The following RALYL variants were observed in gnomAD, a reference collection of about 807,000 sequenced individuals.
The protein encoded by RALYL is RALY RNA binding protein like, also known as RNA-binding Raly-like protein.
Under a neutral mutation model 35.1 loss-of-function variants are expected in RALYL, and 29 were observed. The observed-to-expected ratio is 0.83, with a 90% CI of 0.61 to 1.13. RALYL has a LOEUF of 1.13. Ranked by LOEUF, RALYL falls within the 50% of genes most tolerant of loss-of-function variation. The pLI, the probability that RALYL is intolerant of heterozygous loss-of-function variation, is 0.00. For missense variants in RALYL, 359 were observed against 360.4 expected (o/e 1.00, Z 0.03); for synonymous variants, 120 against 127.6 (o/e 0.94, Z 0.40).
chr8:84,470,642 G>A (rs1347460674), intron 1 of RALYL, among the ~76,000 whole-genome samples: 1 of 152,142 alleles, frequency 6.6e-6, no homozygotes, highest in Non-Finnish European at 1.5e-5. Context: ...AGATGTGAAT[G>A]CTGCTTATTT....
Position 84,628,534 on chromosome 8 carries a change from T to C in RALYL, c.256+98957T>C, listed in dbSNP as rs559015172. On this transcript the variant is annotated intron_variant, in intron 2 of 8. Transcript: ENST00000521268. ...CCTACAGAGTAGGTGATTATTAATA[T>C]TCACCAAAAGAGTAAATGAATATAT... Among the ~76,000 whole-genome samples, 11 of 152,284 alleles carry C rather than the reference T, an allele frequency of 7.2e-5. No homozygotes were observed. In the South Asian group the frequency reaches 2.3e-3, roughly 32 times the overall value.
chr8:84,837,954 A>G (rs1832372741), intron 4 of RALYL, among the ~76,000 whole-genome samples: 1 of 152,214 alleles, frequency 6.6e-6, no homozygotes, highest in Non-Finnish European at 1.5e-5. Context: ...ACAGTGCCCT[A>G]AACTTCTATT....
intron 1 of RALYL, among the ~76,000 whole-genome samples, chr8:84,354,702 G>A (rs1181753051): frequency 2.7e-5 from 4 of 150,304 alleles, no homozygotes; most frequent in East Asian, 3.9e-4. Context: ...TCAATACAAC[G>A]GAATCCTGGG....
chr8:84,863,648 C>T (rs1378777895), intron 6 of RALYL, among the ~76,000 whole-genome samples: 1 of 152,096 alleles, frequency 6.6e-6, no homozygotes, highest in Non-Finnish European at 1.5e-5. Context: ...CCTTTTATTT[C>T]AGCACTATAC....
chr8:84,421,862 G>A (rs1300706978), intron 1 of RALYL, among the ~76,000 whole-genome samples: 1,718 of 147,538 alleles, frequency 0.012, 31 homozygotes, highest in African/African-American at 0.04. Flanking sequence ...CTTGATTTGC[G>A]TATATTGAAC....
chr8:84,489,588 C>G (rs2055027729), intron 1 of RALYL, among the ~76,000 whole-genome samples: 1 of 151,924 alleles, frequency 6.6e-6, no homozygotes, highest in African/African-American at 2.4e-5. Flanking sequence ...AAAGGAATTA[C>G]TGTGTATTAT....
Position 84,185,124 on chromosome 8 carries a change from C to A in RALYL, c.-24+700C>A. On this transcript the variant is annotated intron_variant, in intron 1 of 8. Transcript: ENST00000521268. ...GTGTTGCGTTGGTTTTAAGTGCCTG[C>A]TGGTGTCGTCTTCCAGGGGATGGGG... The A allele has an allele frequency of 2.8e-6, 3 of 1,090,540 alleles. No homozygotes were observed. In the Admixed American group the frequency reaches 5.3e-5, roughly 19 times the overall value. The allele number at this position is 1,090,540 out of a possible 1,614,324, so 67.6% of individuals were successfully genotyped here.
At chr8:84,575,229 C>A (rs1465122246) in intron 2 of RALYL, among the ~76,000 whole-genome samples, 1 of 152,006 alleles carries the variant, frequency 6.6e-6, no homozygotes, top group Non-Finnish European at 1.5e-5. Context: ...AACATGTGTG[C>A]CAATTATTTG....
chr8:84,468,499 C>G (rs952810783), intron 1 of RALYL, among the ~76,000 whole-genome samples: 5 of 149,920 alleles, frequency 3.3e-5, no homozygotes, highest in African/African-American at 1.2e-4. Context: ...TGTAGGGTTT[C>G]TGCCGAGAGA....
chr8:84,775,539 A>G (rs747751857), intron 3 of RALYL, among the ~76,000 whole-genome samples: 2 of 152,166 alleles, frequency 1.3e-5, no homozygotes, highest in African/African-American at 2.4e-5. Context: ...CCAGACAACA[A>G]ATATAGTCCT....
intron 1 of RALYL, among the ~76,000 whole-genome samples, chr8:84,238,079 A>G (rs1341917568): frequency 6.6e-6 from 1 of 152,134 alleles, no homozygotes; most frequent in Non-Finnish European, 1.5e-5. Context: ...AATAACCGTA[A>G]TGTTAAGCTG....
chr8:84,323,966 CT>C (rs1845336630), intron 1 of RALYL, among the ~76,000 whole-genome samples: 1 of 151,942 alleles, frequency 6.6e-6, no homozygotes, highest in African/African-American at 2.4e-5. Flanking sequence ...TAAATGTTTT[CT>C]TTTTGAGTCT....
At chr8:84,638,262 A>T (rs1446582834) in intron 2 of RALYL, among the ~76,000 whole-genome samples, 2 of 151,854 alleles carry the variant, frequency 1.3e-5, no homozygotes, top group African/African-American at 2.4e-5. Flanking sequence ...TTTGAACTGA[A>T]TGATAATAGT....
chr8:84,464,449 T>C (rs557200097), intron 1 of RALYL, among the ~76,000 whole-genome samples: 6 of 151,554 alleles, frequency 4.0e-5, no homozygotes, highest in Admixed American at 2.0e-4. Context: ...ATTTCATCCA[T>C]GTCCCTACAA....
At chr8:84,712,021 A>T (rs533852880) in intron 2 of RALYL, among the ~76,000 whole-genome samples, 1 of 152,252 alleles carries the variant, frequency 6.6e-6, no homozygotes, top group East Asian at 1.9e-4. Flanking sequence ...ACCAGAAAAA[A>T]CAAACTATTT....
chr8:84,704,475 ACACAC>A lies in RALYL; in HGVS notation c.257-70103_257-70099del, dbSNP rs1359137988. 8.5e-4 allele frequency among the ~76,000 whole-genome samples: 114 copies of A among 133,600 alleles called. 2 individuals are homozygous for A. The highest frequency in any genetic ancestry group is 4.0e-3 in the Admixed American group (56 of 14,134). 87.6% of individuals were successfully genotyped at this position (133,600 alleles called of 152,430 possible). The stretch of plus-strand genomic sequence containing the variant: ...CACACACACACACACACACACACAC[ACACAC>A]ACAACAACTCATTTATTCCACAAAT... On this transcript the variant is annotated intron_variant, in intron 2 of 8. Transcript: ENST00000521268.
chr8:84,907,058 G>T (rs556965837), intron 8 of RALYL: 1 of 722,958 alleles, frequency 1.4e-6, no homozygotes, highest in Non-Finnish European at 1.7e-6. Context: ...TAAGTATCCC[G>T]GAAACCTTAT....
At chr8:84,803,723 T>C (rs7000770) in intron 3 of RALYL, among the ~76,000 whole-genome samples, 4,583 of 152,276 alleles carry the variant, frequency 0.03, 212 homozygotes, top group African/African-American at 0.11. Context: ...TGCCTATAAA[T>C]GCACCAAGGC....
At chr8:84,336,390 CTT>C (rs1038762168) in intron 1 of RALYL, among the ~76,000 whole-genome samples, 4 of 151,896 alleles carry the variant, frequency 2.6e-5, no homozygotes, top group African/African-American at 9.7e-5. Flanking sequence ...AATGTCCTCA[CTT>C]TTTTCTTGAC....
Sources: allele counts gnomAD v4.1 joint callset (sites outside exome capture counted in the v4.1 genomes callset), GRCh38; gene constraint gnomAD v4.1.1; transcripts MANE v1.5; gene names NCBI Gene and HGNC (gene_info 2026-07-23, HGNC 2026-07-21).